The following KIAA1217 variants were observed in gnomAD, a reference collection of about 807,000 sequenced individuals.
The protein encoded by KIAA1217 is KIAA1217, also known as sickle tail protein homolog.
In KIAA1217, 88 loss-of-function variants were observed where a neutral mutation model predicts 163.9. The observed-to-expected ratio is 0.54, with a 90% CI of 0.45 to 0.64. The LOEUF is 0.64. Ranked by LOEUF, KIAA1217 falls within the 30% of genes least tolerant of loss-of-function variation. The pLI is 0.00. For synonymous variants in KIAA1217, 903 were observed against 923.1 expected, an observed-to-expected ratio of 0.98 and a Z score of 0.39; for missense variants, 2,372 against 2,475.0, an observed-to-expected ratio of 0.96 and a Z score of 0.88.
chr10:24,236,528 G>A (rs1274436556), intron 2 of KIAA1217, among the ~76,000 whole-genome samples: 1 of 152,126 alleles, frequency 6.6e-6, no homozygotes, highest in Non-Finnish European at 1.5e-5. Flanking sequence ...ATAGGCGTGA[G>A]CCACTGCGCT....
chr10:24,188,843 C>T (rs1032749128), intron 2 of KIAA1217, among the ~76,000 whole-genome samples: 1 of 152,028 alleles, frequency 6.6e-6, no homozygotes, highest in African/African-American at 2.4e-5. Flanking sequence ...CAGTGGCTCA[C>T]GCCTGTAATC....
intron 1 of KIAA1217, among the ~76,000 whole-genome samples, chr10:23,998,174 T>C (rs537436052): frequency 3.2e-4 from 48 of 152,194 alleles, no homozygotes; most frequent in Non-Finnish European, 6.5e-4. Flanking sequence ...AGACTTAACC[T>C]TAGCAAAGTC....
At chr10:24,348,815 A>C (rs1169126015) in intron 2 of KIAA1217, among the ~76,000 whole-genome samples, 1 of 152,142 alleles carries the variant, frequency 6.6e-6, no homozygotes. Flanking sequence ...TAGCGTTCTG[A>C]GCAAGTTACT....
chr10:24,344,548 C>T (rs1199039012), intron 2 of KIAA1217, among the ~76,000 whole-genome samples: 1 of 152,126 alleles, frequency 6.6e-6, no homozygotes, highest in Non-Finnish European at 1.5e-5. Flanking sequence ...AATGTGGAAA[C>T]CTAAAGCCTT....
intron 17 of KIAA1217, 96 bp from the exon 18 acceptor site, chr10:24,542,597 T>C: frequency 6.3e-7 from 1 of 1,579,466 alleles, no homozygotes; most frequent in Non-Finnish European, 8.7e-7. Flanking sequence ...GGCCCGCATG[T>C]CTTAGAAATG....
chr10:24,514,916 C>T (rs575930081), intron 10 of KIAA1217, among the ~76,000 whole-genome samples: 5 of 151,948 alleles, frequency 3.3e-5, no homozygotes, highest in South Asian at 2.1e-4. Context: ...TGCTTGAACC[C>T]GGGAGGGGAA....
At chr10:24,041,876 A>G (rs6482359) in intron 2 of KIAA1217, among the ~76,000 whole-genome samples, 97,474 of 151,850 alleles carry the variant, frequency 0.64, 33,661 homozygotes, top group African/African-American at 0.86. Context: ...AGTGGGTGGG[A>G]TAATATTTAC....
At chr10:24,401,744 T>A (rs999934700) in intron 3 of KIAA1217, among the ~76,000 whole-genome samples, 4 of 152,218 alleles carry the variant, frequency 2.6e-5, no homozygotes, top group South Asian at 2.1e-4. Flanking sequence ...GAAAAAGAAA[T>A]AAAAGGCATG....
chr10:24,470,656 T>C (rs2063410596), intron 5 of KIAA1217, among the ~76,000 whole-genome samples: 1 of 151,918 alleles, frequency 6.6e-6, no homozygotes, highest in Non-Finnish European at 1.5e-5. Flanking sequence ...AAATTGTAAT[T>C]GTGAGGGAGG....
intron 16 of KIAA1217, among the ~76,000 whole-genome samples, chr10:24,534,026 GTCAA>G (rs939378428): frequency 1.6e-4 from 24 of 152,248 alleles, no homozygotes; most frequent in Admixed American, 1.3e-3. Context: ...GGATTTTTCT[GTCAA>G]TCAGATAGTT....
intron 8 of KIAA1217, 36 bp from the exon 9 acceptor site, chr10:24,501,343 T>C (rs749143579): frequency 4.4e-6 from 7 of 1,583,756 alleles, no homozygotes; most frequent in Non-Finnish European, 3.5e-6. Flanking sequence ...CTTTCCTTTG[T>C]GGCCTTCTGA....
chr10:23,725,323 C>G (rs958382666), intron 1 of KIAA1217, among the ~76,000 whole-genome samples: 5 of 152,150 alleles, frequency 3.3e-5, no homozygotes, highest in Admixed American at 2.0e-4. Flanking sequence ...TAAGTGGGAA[C>G]TACAGAGACA....
At chr10:24,494,659 C>A in intron 7 of KIAA1217, 55 bp downstream of exon 7, 1 of 1,177,878 alleles carries the variant, frequency 8.5e-7, no homozygotes, top group South Asian at 1.3e-5. Flanking sequence ...CTCTTTTAAT[C>A]ATTAAGATAA....
chr10:23,802,766 T>A (rs1035889577), intron 1 of KIAA1217, among the ~76,000 whole-genome samples: 5 of 152,166 alleles, frequency 3.3e-5, no homozygotes, highest in Non-Finnish European at 5.9e-5. Flanking sequence ...AGGTAGGACA[T>A]CATTAGAACC....
chr10:23,993,194 G>A (rs774038590), intron 1 of KIAA1217, among the ~76,000 whole-genome samples: 3 of 151,676 alleles, frequency 2.0e-5, no homozygotes, highest in Non-Finnish European at 4.4e-5. Flanking sequence ...ACCACACCCG[G>A]CTAATTTTTG....
At chr10:24,271,098 A>G (rs1310301991) in intron 2 of KIAA1217, among the ~76,000 whole-genome samples, 1 of 152,142 alleles carries the variant, frequency 6.6e-6, no homozygotes, top group Non-Finnish European at 1.5e-5. Flanking sequence ...TTTTCCTTTA[A>G]TTGGTAGTTT....
intron 2 of KIAA1217, among the ~76,000 whole-genome samples, chr10:24,324,226 C>T (rs1453322479): frequency 6.6e-6 from 1 of 151,824 alleles, no homozygotes; most frequent in African/African-American, 2.4e-5. Context: ...CGTGATCACA[C>T]CACTGCACTC....
chr10:23,870,128 G>C (rs1487874214), intron 1 of KIAA1217, among the ~76,000 whole-genome samples: 1 of 152,084 alleles, frequency 6.6e-6, no homozygotes, highest in Non-Finnish European at 1.5e-5. Flanking sequence ...CCGTTAAAAA[G>C]TAGGTAAAAT....
intron 2 of KIAA1217, among the ~76,000 whole-genome samples, chr10:24,333,170 G>A (rs886929103): frequency 2.6e-5 from 4 of 151,822 alleles, no homozygotes; most frequent in African/African-American, 7.3e-5. Context: ...GATTACAAAC[G>A]CCCACCACCA....
Sources: allele counts gnomAD v4.1 joint callset (sites outside exome capture counted in the v4.1 genomes callset), GRCh38; gene constraint gnomAD v4.1.1; transcripts MANE v1.5; gene names NCBI Gene and HGNC (gene_info 2026-07-23, HGNC 2026-07-21).